Variants in RCOR3 observed in about 807,000 individuals in gnomAD.
RCOR3 encodes the protein REST corepressor 3.
Under a neutral mutation model 64.1 loss-of-function variants are expected in RCOR3, and 13 were observed. That is an observed-to-expected ratio of 0.20 (90% CI 0.13 to 0.32). RCOR3 has a LOEUF of 0.32. RCOR3 is among the 10% of genes least tolerant of loss of function. The probability of loss-of-function intolerance (pLI) is 1.00; values close to 1 mark genes in which losing one functional copy is unlikely to be tolerated. For missense variants in RCOR3, 489 were observed against 701.2 expected (o/e 0.70, Z 3.42); for synonymous variants, 215 against 239.0 (o/e 0.90, Z 0.93).
Position 211,259,430 on chromosome 1 carries a change from C to G in RCOR3, c.-131C>G. 1 of 875,722 alleles carries G rather than the reference C, an allele frequency of 1.1e-6. No individual in the cohort carries two copies. Among genetic ancestry groups the G allele is most frequent in the Non-Finnish European group, 1.7e-6 (1 of 587,204 alleles). The allele number at this position is 875,722 out of a possible 1,614,324, so 54.2% of individuals were successfully genotyped here. A position where few individuals can be genotyped will look rare whatever the true frequency, so the allele number is the denominator to read the frequency against. The stretch of plus-strand genomic sequence containing the variant: ...GTTATGGCGGCTCCATATTAACAGC[C>G]TCCTCCTCCTCCGCCGCCGCCGCCG... On this transcript the variant is annotated 5_prime_UTR_variant, in exon 1 of 12. Transcript: ENST00000419091.
chr1:211,313,388 C>G lies in RCOR3; in HGVS notation c.1318-36C>G, dbSNP rs755377805. 2.5e-6 allele frequency: 4 copies of G among 1,581,552 alleles called. No individual in the cohort carries two copies. The highest frequency in any genetic ancestry group is 1.2e-5 in the South Asian group (1 of 86,340). ...ATTGTATTAAGTTCATTAGGACTTA[C>G]ATCTCATACGTGTATTTTTGTTTCC... is the stretch of plus-strand genomic sequence containing the variant. On this transcript the variant is annotated intron_variant, in intron 11 of 11. Coordinates refer to ENST00000419091, the MANE Select transcript of RCOR3 (RefSeq NM_001136223.3). The surrounding 1 kb of genome is among the most constrained non-coding windows in gnomAD (Gnocchi z 4.7).
rs1405896232 is a variant in RCOR3, at chr1:211,313,957, A to G, written c.*189A>G. The G allele has an allele frequency of 6.6e-6, 4 of 602,838 alleles. No homozygotes were observed. Among genetic ancestry groups the G allele is most frequent in the Non-Finnish European group, 1.2e-5 (4 of 345,634 alleles). 37.3% of individuals were successfully genotyped at this position (602,838 alleles called of 1,614,324 possible). ...GTTCACTAGACTAAAATGTTTTACA[A>G]CAAAAAGCCTCCAGTTAGCCTCCTT... On this transcript the variant is annotated 3_prime_UTR_variant, in exon 12 of 12. Coordinates refer to ENST00000419091, the MANE Select transcript of RCOR3 (RefSeq NM_001136223.3). The surrounding 1 kb of genome is among the most constrained non-coding windows in gnomAD (Gnocchi z 4.7).
chr1:211,275,726 A>G lies in RCOR3; in HGVS notation c.355-531A>G, dbSNP rs1343134744. Among the ~76,000 whole-genome samples the G allele has an allele frequency of 2.6e-5, 4 of 152,288 alleles. No individual in the cohort carries two copies. The South Asian group carries it at 8.3e-4, about 32-fold the overall frequency. ...ATTTATATGTTCTGATAATAAGTAA[A>G]TGTGGTTTAAAAAATTGTTAAAGTT... On this transcript the variant is annotated intron_variant, in intron 4 of 11. Transcript: ENST00000419091.
chr1:211,312,529 G>A lies in RCOR3; in HGVS notation c.1076-191G>A, dbSNP rs371179675. ...TCAGTTGAAGGCAAGTGGCTGGCTC[G>A]ATGAAATGACATAACTGATAGTTTT... is the stretch of plus-strand genomic sequence containing the variant. On this transcript the variant is annotated intron_variant, in intron 10 of 11. Transcript: ENST00000419091. The surrounding 1 kb of genome is among the most constrained non-coding windows in gnomAD (Gnocchi z 5.0). 3.6e-4 allele frequency: 230 copies of A among 643,392 alleles called. 1 individual carries two copies. Among genetic ancestry groups the A allele is most frequent in the African/African-American group, 3.4e-3 (188 of 55,644 alleles). The allele number at this position is 643,392 out of a possible 1,614,324, so 39.9% of individuals were successfully genotyped here.
intron 10 of RCOR3, among the ~76,000 whole-genome samples, chr1:211,307,317 A>C (rs1026294888): frequency 2.0e-5 from 3 of 152,050 alleles, no homozygotes; most frequent in Non-Finnish European, 1.5e-5. Context: ...GTGAAACCCC[A>C]TCTTCACTGA....
At chr1:211,262,578 A>G (rs1694507956) in intron 2 of RCOR3, among the ~76,000 whole-genome samples, 1 of 152,132 alleles carries the variant, frequency 6.6e-6, no homozygotes, top group South Asian at 2.1e-4. Context: ...CCCAGTGGGT[A>G]GATTTCTGAG....
chr1:211,295,817 GC>G (rs1421490569), intron 9 of RCOR3, 64 bp downstream of exon 9: 1 of 1,271,900 alleles, frequency 7.9e-7, no homozygotes, highest in Non-Finnish European at 1.1e-6. Flanking sequence ...GTTATCTAGT[GC>G]CCAAGTACTA....
chr1:211,272,356 C>T (rs889079432), intron 3 of RCOR3, among the ~76,000 whole-genome samples: 1 of 152,160 alleles, frequency 6.6e-6, no homozygotes, highest in East Asian at 1.9e-4. Context: ...ATCAGGGTAT[C>T]ATTGAATTTT....
At chr1:211,289,077 G>A (rs1478373107) in intron 7 of RCOR3, 101 bp from the exon 8 acceptor site, 3 of 843,448 alleles carry the variant, frequency 3.6e-6, no homozygotes, top group East Asian at 2.6e-5. Flanking sequence ...GTTTTTTTAT[G>A]TGTACTTATT....
rs538681810 is a variant in RCOR3, at chr1:211,264,857, A to G, written c.223+4693A>G. On this transcript the variant is annotated intron_variant, in intron 2 of 11. Coordinates refer to ENST00000419091, the MANE Select transcript of RCOR3 (RefSeq NM_001136223.3). ...GATTATTTTCTTTCCGTTGTTCACT[A>G]GATCTTCCCAACGTTTATTTAGTGC... Among the ~76,000 whole-genome samples, 19 of 152,332 alleles carry G rather than the reference A, an allele frequency of 1.2e-4. No homozygotes were observed. In the East Asian group the frequency reaches 3.7e-3, roughly 29 times the overall value.
intron 9 of RCOR3, among the ~76,000 whole-genome samples, chr1:211,296,931 A>G (rs933995413): frequency 3.3e-5 from 5 of 152,134 alleles, no homozygotes; most frequent in Non-Finnish European, 5.9e-5. Context: ...TGTAAATAAA[A>G]TACCGCAGAT....
Position 211,289,018 on chromosome 1 carries a change from A to ATG in RCOR3, c.721-148_721-147dup, listed in dbSNP as rs571215791. Among the ~76,000 whole-genome samples, 9 of 151,956 alleles carry ATG rather than the reference A, an allele frequency of 5.9e-5. No individual in the cohort carries two copies. In the South Asian group the frequency reaches 1.0e-3, roughly 18 times the overall value. ...CTTTTCCTCCCAGTTGGTGAGTGTT[A>ATG]TGTGTGTGTGTGTATGGACTTGTAC... On this transcript the variant is annotated intron_variant, in intron 7 of 11. Transcript: ENST00000419091.
chr1:211,280,228 G>A (rs1411603392), intron 7 of RCOR3, among the ~76,000 whole-genome samples: 1 of 152,140 alleles, frequency 6.6e-6, no homozygotes, highest in Non-Finnish European at 1.5e-5. Flanking sequence ...ACACTTGGCA[G>A]ATAACTTCAT....
intron 10 of RCOR3, among the ~76,000 whole-genome samples, chr1:211,308,593 G>A (rs1363036994): frequency 2.0e-5 from 3 of 146,488 alleles, no homozygotes; most frequent in Non-Finnish European, 1.5e-5. Flanking sequence ...TGCTGTGAAA[G>A]CCAGAAAAAA....
chr1:211,279,402 T>C (rs1697463819), intron 7 of RCOR3, 86 bp downstream of exon 7: 1 of 917,478 alleles, frequency 1.1e-6, no homozygotes, highest in Non-Finnish European at 1.7e-6. Flanking sequence ...AGAAAAACTT[T>C]TTAATGTAAT....
intron 5 of RCOR3, among the ~76,000 whole-genome samples, chr1:211,277,161 C>T (rs368627107): frequency 2.0e-5 from 3 of 147,896 alleles, no homozygotes; most frequent in African/African-American, 7.6e-5. Flanking sequence ...TGCTTTTTTT[C>T]TTTCTTTCTT....
At chr1:211,293,878 A>G (rs1699538918) in intron 8 of RCOR3, among the ~76,000 whole-genome samples, 1 of 152,216 alleles carries the variant, frequency 6.6e-6, no homozygotes, top group Non-Finnish European at 1.5e-5. Context: ...AAAAAAGTAA[A>G]CAATCCTAAC....
chr1:211,309,692 C>T (rs1375907019), intron 10 of RCOR3, among the ~76,000 whole-genome samples: 1 of 152,194 alleles, frequency 6.6e-6, no homozygotes, highest in Non-Finnish European at 1.5e-5. Flanking sequence ...ATATTTAACT[C>T]CCTTCCTGAG....
chr1:211,279,320 A>G lies in RCOR3; in HGVS notation c.720+4A>G. 6.3e-7 allele frequency: 1 copy of G among 1,594,734 alleles called. No homozygotes were observed. Among genetic ancestry groups the G allele is most frequent in the Non-Finnish European group, 8.6e-7 (1 of 1,162,776 alleles). ...CAAAAAAGAAGCCAAAAAAGAGGTA[A>G]TGATGATCACTAGAAGTACTTGTGA... On this transcript the variant is annotated splice_donor_region_variant and intron_variant, in intron 7 of 11. Transcript: ENST00000419091.
Sources: gnomAD v4.1 joint callset for allele counts (sites outside exome capture counted in the v4.1 genomes callset) on GRCh38, gnomAD v4.1.1 for gene constraint, Gnocchi (gnomAD v3.1) non-coding constraint, MANE v1.5 for transcripts, NCBI Gene and HGNC (gene_info 2026-07-23, HGNC 2026-07-21) for gene names.